Variants in EXOSC4 observed in about 807,000 individuals in gnomAD.
The protein encoded by EXOSC4 is exosome complex component RRP41.
A neutral mutation model predicts 20.0 loss-of-function variants in EXOSC4; 14 were observed. The ratio of observed to expected loss-of-function variants is 0.70; its 90% confidence interval spans 0.46 to 1.09. EXOSC4 has a LOEUF of 1.09. Among genes scored for constraint, EXOSC4 ranks in the 50% least tolerant of loss-of-function variants. The pLI is 0.00. For synonymous variants in EXOSC4, 148 were observed against 146.4 expected (o/e 1.01, Z -0.08); for missense variants, 337 against 334.0 (o/e 1.01, Z -0.07).
upstream of EXOSC4, among the ~76,000 whole-genome samples, chr8:144,074,446 G>C (rs1587582805): frequency 6.6e-6 from 1 of 152,168 alleles, no homozygotes; most frequent in South Asian, 2.1e-4. Flanking sequence ...TCCCTCGGCT[G>C]CATGTCATGA....
the EXOSC4 span, among the ~76,000 whole-genome samples, chr8:144,069,551 C>T: frequency 3.6e-4 from 55 of 152,340 alleles, no homozygotes; most frequent in African/African-American, 1.2e-3. Flanking sequence ...TCCTAAAGGA[C>T]GCTTGGAATG....
At chr8:144,073,111 C>T in the EXOSC4 span, among the ~76,000 whole-genome samples, 4 of 152,240 alleles carry the variant, frequency 2.6e-5, no homozygotes, top group African/African-American at 4.8e-5. Context: ...GTGTGGCCAG[C>T]GTGGTGGCTC....
intron 1 of EXOSC4, 162 bp downstream of exon 1, chr8:144,079,061 G>T (rs1397617240): frequency 3.2e-5 from 26 of 808,712 alleles, no homozygotes; most frequent in Non-Finnish European, 4.0e-5. Flanking sequence ...CAAGTCCTTA[G>T]TGTGCTGCGC....
intron 1 of EXOSC4, chr8:144,079,241 A>C: frequency 3.9e-6 from 1 of 253,944 alleles, no homozygotes; most frequent in Non-Finnish European, 7.4e-6. Flanking sequence ...GCCCTACAAT[A>C]AACCCTTTGT....
chr8:144,080,242 G>A lies in EXOSC4; in HGVS notation c.379G>A (p.Val127Met), dbSNP rs1554763289. Residue 127 changes from valine (V) to methionine (M), a missense_variant and splice_region_variant, in exon 3 of 3, where the codon GTG becomes ATG. Transcript: ENST00000316052. The surrounding 1 kb of genome is among the most constrained non-coding windows in gnomAD (Gnocchi z 4.9). ...GACTGACACCCTGGGTTCCCTGCAG[G>A]TGCTACAGGCAGATGGTGGGACCTA... The part of the protein sequence containing the change: ...PRSQIDIYVQ[V>M]LQADGGTYAA... 6.2e-7 allele frequency: 1 copy of A among 1,612,748 alleles called. No homozygotes were observed. Among genetic ancestry groups the A allele is most frequent in the South Asian group, 1.1e-5 (1 of 91,064 alleles).
Position 144,079,924 on chromosome 8 carries a change from T to C in EXOSC4, c.172-19T>C. On this transcript the variant is annotated intron_variant, in intron 1 of 2. Transcript: ENST00000316052. ...AGCTGGAAGGAGTGGGCCTGGCTCA[T>C]GTGTCTGTCCTCTTCCAGATCCGGG... 6.2e-7 allele frequency: 1 copy of C among 1,612,578 alleles called. No individual in the cohort carries two copies. The highest frequency in any genetic ancestry group is 8.5e-7 in the Non-Finnish European group (1 of 1,178,782).
At chr8:144,065,817 T>G in the EXOSC4 span, among the ~76,000 whole-genome samples, 6 of 150,776 alleles carry the variant, frequency 4.0e-5, no homozygotes, top group Admixed American at 4.0e-4. Flanking sequence ...ATTTACTTTT[T>G]TTTTTTTTTG....
At position 144,080,215 on chromosome 8, in the gene EXOSC4, T is replaced by C. The variant is rs782142047; in HGVS notation, c.379-27T>C. On this transcript the variant is annotated intron_variant, in intron 2 of 2. Coordinates refer to ENST00000316052, the MANE Select transcript of EXOSC4 (RefSeq NM_019037.3). This position sits in a 1 kb window ranked among gnomAD's most constrained non-coding sequence, Gnocchi z 4.9. ...TGATGGGGTTGGGGAGGGAGTCTGA[T>C]AGACTGACACCCTGGGTTCCCTGCA... 10 of 1,610,186 alleles carry C rather than the reference T, an allele frequency of 6.2e-6. No individual in the cohort carries two copies. The highest frequency in any genetic ancestry group is 3.3e-4 in the Middle Eastern group (2 of 6,072).
At chr8:144,077,380 C>T (rs987920712), upstream of EXOSC4, among the ~76,000 whole-genome samples, 1 of 152,158 alleles carries the variant, frequency 6.6e-6, no homozygotes, top group Non-Finnish European at 1.5e-5. Context: ...GTGGGGAATC[C>T]GGGGTGGCAA....
At chr8:144,079,245 C>A in intron 1 of EXOSC4, 1 of 249,366 alleles carries the variant, frequency 4.0e-6, no homozygotes, top group Non-Finnish European at 7.5e-6. Flanking sequence ...TACAATAAAC[C>A]CTTTGTTTTG....
the EXOSC4 span, among the ~76,000 whole-genome samples, chr8:144,072,471 G>A: frequency 1.1e-3 from 174 of 152,104 alleles, 4 homozygotes; most frequent in South Asian, 0.035. Context: ...GTGAGCCACC[G>A]CGCCCGACCT....
upstream of EXOSC4, among the ~76,000 whole-genome samples, chr8:144,074,441 C>T (rs1268193238): frequency 2.6e-5 from 4 of 152,298 alleles, no homozygotes; most frequent in Middle Eastern, 6.8e-3. Context: ...CCACCTCCCT[C>T]GGCTGCATGT....
the EXOSC4 span, among the ~76,000 whole-genome samples, chr8:144,068,671 A>G: frequency 1.3e-5 from 2 of 152,248 alleles, no homozygotes; most frequent in African/African-American, 4.8e-5. Flanking sequence ...CTAAGTCTTG[A>G]TCAGAACAGG....
chr8:144,079,784 A>G (rs1554763213), intron 1 of EXOSC4, 159 bp from the exon 2 acceptor site: 1 of 794,084 alleles, frequency 1.3e-6, no homozygotes, highest in Non-Finnish European at 2.2e-6. Context: ...AGGGCGACAC[A>G]TGCAAGACAG....
chr8:144,079,028 C>G, intron 1 of EXOSC4, 129 bp downstream of exon 1: 1 of 1,072,456 alleles, frequency 9.3e-7, no homozygotes. Context: ...ATGCTCAGCA[C>G]CGCATCTCAC....
the EXOSC4 span, chr8:144,064,071 C>G: frequency 4.9e-3 from 752 of 152,502 alleles, 6 homozygotes; most frequent in South Asian, 0.03. Context: ...CAGGACCCAG[C>G]TGTTCCAACC....
At chr8:144,078,539 A>C, upstream of EXOSC4, 1 of 517,260 alleles carries the variant, frequency 1.9e-6, no homozygotes, top group Non-Finnish European at 3.1e-6. The surrounding 1 kb of genome is among the most constrained non-coding windows in gnomAD (Gnocchi z 4.7). Flanking sequence ...CAGGACAGGA[A>C]GTGACAGCGG....
upstream of EXOSC4, among the ~76,000 whole-genome samples, chr8:144,077,199 T>C (rs1236117264): frequency 2.6e-5 from 4 of 152,084 alleles, no homozygotes; most frequent in Admixed American, 1.3e-4. Context: ...GCGCTGACAT[T>C]GTGCCACGGC....
chr8:144,080,472 C>A lies in EXOSC4; in HGVS notation c.609C>A (p.Ala203=), dbSNP rs370639052. The A allele has an allele frequency of 6.2e-7, 1 of 1,608,218 alleles. No homozygotes were observed. Among genetic ancestry groups the A allele is most frequent in the Non-Finnish European group, 8.5e-7 (1 of 1,179,998 alleles). The change falls in exon 3 of 3, where the codon GCC becomes GCA. Residue 203 remains alanine, a synonymous_variant. Coordinates refer to ENST00000316052, the MANE Select transcript of EXOSC4 (RefSeq NM_019037.3). This position sits in a 1 kb window ranked among gnomAD's most constrained non-coding sequence, Gnocchi z 4.9. ...SGQIALLEMD[A]RLHEDHLERV... ...AGATTGCGCTGCTTGAGATGGATGC[C>A]CGGCTGCACGAGGACCACCTGGAGC... is the stretch of plus-strand genomic sequence containing the variant.
Sources: allele counts gnomAD v4.1 joint callset (sites outside exome capture counted in the v4.1 genomes callset), GRCh38; gene constraint gnomAD v4.1.1; non-coding constraint Gnocchi (gnomAD v3.1); transcripts MANE v1.5; gene names NCBI Gene and HGNC (gene_info 2026-07-23, HGNC 2026-07-21).